Variants in RIMS1 observed in about 807,000 individuals in gnomAD.
The protein encoded by RIMS1 is regulating synaptic membrane exocytosis 1.
Under a neutral mutation model 214.1 loss-of-function variants are expected in RIMS1, and 83 were observed. That is an observed-to-expected ratio of 0.39 (90% CI 0.32 to 0.47). The LOEUF (loss-of-function observed/expected upper bound fraction) is 0.47, where lower values mean the gene tolerates loss of function less well. RIMS1 is among the 20% of genes least tolerant of loss of function. The pLI is 0.99. For missense variants in RIMS1, 2,050 were observed against 2,161.8 expected (o/e 0.95, Z 1.03); for synonymous variants, 793 against 786.8 (o/e 1.01, Z -0.13).
chr6:72,284,835 T>C (rs1375033685), intron 24 of RIMS1, among the ~76,000 whole-genome samples: 1 of 152,164 alleles, frequency 6.6e-6, no homozygotes, highest in Non-Finnish European at 1.5e-5. Flanking sequence ...GCTTTCATTA[T>C]AGAGGCATGC....
intron 2 of RIMS1, among the ~76,000 whole-genome samples, chr6:71,981,045 A>T (rs191630589): frequency 6.6e-6 from 1 of 152,158 alleles, no homozygotes; most frequent in African/African-American, 2.4e-5. Flanking sequence ...GAATCATTCC[A>T]TATGGGAACA....
intron 1 of RIMS1, among the ~76,000 whole-genome samples, chr6:71,939,048 G>C (rs1785276948): frequency 6.6e-6 from 1 of 152,090 alleles, no homozygotes; most frequent in Admixed American, 6.6e-5. Context: ...TGCTGTTTAG[G>C]TATTTCTTCT....
At chr6:72,217,105 T>G in intron 6 of RIMS1, 1 of 1,523,594 alleles carries the variant, frequency 6.6e-7, no homozygotes, top group East Asian at 2.5e-5. Flanking sequence ...TTTTTAATTG[T>G]GTTGTGCATT....
intron 4 of RIMS1, among the ~76,000 whole-genome samples, chr6:72,145,195 A>G (rs1006814488): frequency 6.6e-6 from 1 of 152,180 alleles, no homozygotes; most frequent in African/African-American, 2.4e-5. Context: ...TTCATAAGGA[A>G]TCTCAGATAA....
At chr6:72,200,191 A>G (rs1044039331) in intron 6 of RIMS1, among the ~76,000 whole-genome samples, 4 of 152,132 alleles carry the variant, frequency 2.6e-5, no homozygotes, top group Non-Finnish European at 5.9e-5. Context: ...ATGGAACTGT[A>G]AAAGCCTTGA....
At chr6:72,365,510 G>A (rs1441282113) in intron 29 of RIMS1, among the ~76,000 whole-genome samples, 2 of 152,152 alleles carry the variant, frequency 1.3e-5, no homozygotes, top group African/African-American at 4.8e-5. Context: ...TTTGAGGCAG[G>A]TTTAGTTTAA....
intron 28 of RIMS1, among the ~76,000 whole-genome samples, chr6:72,320,862 AT>A (rs1230159599): frequency 2.0e-5 from 3 of 152,106 alleles, no homozygotes; most frequent in African/African-American, 7.2e-5. Flanking sequence ...TACTCTTGAT[AT>A]ATGTTCAATT....
chr6:72,014,097 T>TA (rs748607180), intron 2 of RIMS1, among the ~76,000 whole-genome samples: 1 of 152,224 alleles, frequency 6.6e-6, no homozygotes, highest in Non-Finnish European at 1.5e-5. Flanking sequence ...TTGATTGACT[T>TA]ACAGTTCAGC....
intron 4 of RIMS1, among the ~76,000 whole-genome samples, chr6:72,164,174 A>G (rs993183831): frequency 2.0e-5 from 3 of 152,184 alleles, no homozygotes; most frequent in African/African-American, 7.2e-5. Context: ...CTCCGTGGGC[A>G]TAGGACCCTC....
At chr6:72,270,026 A>G (rs975831456) in intron 22 of RIMS1, among the ~76,000 whole-genome samples, 3 of 152,084 alleles carry the variant, frequency 2.0e-5, no homozygotes, top group African/African-American at 4.8e-5. Context: ...CTAATTTTAT[A>G]TACTTCTATT....
chr6:72,141,237 A>C (rs1298689556), intron 4 of RIMS1, among the ~76,000 whole-genome samples: 1 of 151,994 alleles, frequency 6.6e-6, no homozygotes, highest in Non-Finnish European at 1.5e-5. Flanking sequence ...ATGGTCTATG[A>C]ATATATGGGA....
intron 4 of RIMS1, among the ~76,000 whole-genome samples, chr6:72,109,302 T>A (rs1445473810): frequency 6.6e-6 from 1 of 151,888 alleles, no homozygotes; most frequent in African/African-American, 2.4e-5. Flanking sequence ...GTTGAAGTAG[T>A]TTACAGTCCC....
At chr6:71,909,183 G>T (rs1039228076) in intron 1 of RIMS1, among the ~76,000 whole-genome samples, 29 of 152,200 alleles carry the variant, frequency 1.9e-4, no homozygotes, top group African/African-American at 6.7e-4. Context: ...TTTTAGTAGA[G>T]ACGGGGTTTC....
chr6:72,183,101 A>C lies in RIMS1; in HGVS notation c.1630A>C (p.Thr544Pro), dbSNP rs535663104. The C allele has an allele frequency of 1.3e-6, 2 of 1,591,728 alleles. No homozygotes were observed. The highest frequency in any genetic ancestry group is 1.3e-5 in the African/African-American group (1 of 74,696). The part of the protein sequence containing the change: ...EEEGVSTPEY[T>P]SCEDVELESE... Reference sequence around the variant, plus strand: ...GGAGGGCGTGTCGACGCCCGAGTACACCAGCTGCGAGGACGTGGAGCTGGA... The same window carrying C: ...GGAGGGCGTGTCGACGCCCGAGTACCCCAGCTGCGAGGACGTGGAGCTGGA... The change falls in exon 6 of 34, where the codon ACC becomes CCC. Residue 544 changes from threonine (T) to proline (P), a missense_variant. By Grantham distance (38) the Thr-to-Pro change is conservative. Around this residue, in one of 6 missense-constraint regions of RIMS1, gnomAD observed 882 missense variants for 828.9 expected, o/e 1.06. Coordinates refer to ENST00000521978, the MANE Select transcript of RIMS1 (RefSeq NM_014989.7).
At chr6:72,351,455 T>A (rs1194929797) in intron 29 of RIMS1, among the ~76,000 whole-genome samples, 1 of 152,168 alleles carries the variant, frequency 6.6e-6, no homozygotes, top group Non-Finnish European at 1.5e-5. Context: ...TGTAAACTGG[T>A]CCTTTGTAAG....
At chr6:71,912,970 C>T (rs143800206) in intron 1 of RIMS1, among the ~76,000 whole-genome samples, 5 of 152,186 alleles carry the variant, frequency 3.3e-5, no homozygotes, top group African/African-American at 1.2e-4. Context: ...TTAAATTTCA[C>T]GCACCATCCT....
intron 2 of RIMS1, among the ~76,000 whole-genome samples, chr6:72,010,884 C>A (rs866147723): frequency 3.3e-5 from 5 of 152,040 alleles, no homozygotes; most frequent in East Asian, 1.9e-4. Context: ...AATCAATATC[C>A]TGAAAATGGC....
At chr6:71,987,668 A>G (rs1282269850) in intron 2 of RIMS1, among the ~76,000 whole-genome samples, 1 of 152,194 alleles carries the variant, frequency 6.6e-6, no homozygotes, top group Non-Finnish European at 1.5e-5. Flanking sequence ...GATGAGAGAT[A>G]CACAATATCA....
chr6:71,938,571 C>T (rs1314592562), intron 1 of RIMS1, among the ~76,000 whole-genome samples: 1 of 152,188 alleles, frequency 6.6e-6, no homozygotes, highest in African/African-American at 2.4e-5. Flanking sequence ...CAAGCCACAC[C>T]TGGACATGCA....
Sources: gnomAD v4.1 joint callset for allele counts (sites outside exome capture counted in the v4.1 genomes callset) on GRCh38, gnomAD v4.1.1 for gene constraint, gnomAD v4.1.1 regional missense constraint, MANE v1.5 for transcripts, NCBI Gene and HGNC (gene_info 2026-07-23, HGNC 2026-07-21) for gene names.